PIK3C2G: variants seen among roughly 807,000 people sequenced by gnomAD.
PIK3C2G encodes the protein phosphatidylinositol 3-kinase C2 domain-containing subunit gamma.
PIK3C2G carries 168 observed loss-of-function variants against 181.1 expected under a neutral mutation model. The observed-to-expected ratio is 0.93, with a 90% CI of 0.82 to 1.05. The LOEUF is 1.05. Ranked by LOEUF, PIK3C2G falls within the 50% of genes least tolerant of loss-of-function variation. The pLI, the probability that PIK3C2G is intolerant of heterozygous loss-of-function variation, is 0.00. For synonymous variants in PIK3C2G, 573 were observed against 592.2 expected, an observed-to-expected ratio of 0.97 and a Z score of 0.47; for missense variants, 1,869 against 1,732.8, an observed-to-expected ratio of 1.08 and a Z score of -1.40.
At chr12:18,675,030 G>C in the PIK3C2G span, among the ~76,000 whole-genome samples, 14 of 152,164 alleles carry the variant, frequency 9.2e-5, no homozygotes, top group Admixed American at 4.6e-4. Context: ...GACGGCAATA[G>C]TCTGTAACTA....
At chr12:18,502,279 C>T (rs1209869275) in intron 22 of PIK3C2G, among the ~76,000 whole-genome samples, 1 of 152,268 alleles carries the variant, frequency 6.6e-6, no homozygotes, top group South Asian at 2.1e-4. Flanking sequence ...TTGTTTATCA[C>T]CACCATAATC....
chr12:18,596,102 CAGAA>C (rs1396380228), intron 30 of PIK3C2G, among the ~76,000 whole-genome samples: 1 of 151,954 alleles, frequency 6.6e-6, no homozygotes, highest in African/African-American at 2.4e-5. Context: ...TGATTGATGA[CAGAA>C]AGAACAACTA....
upstream of PIK3C2G, among the ~76,000 whole-genome samples, chr12:18,257,623 C>A (rs1034537408): frequency 7.2e-6 from 1 of 139,412 alleles, no homozygotes. Context: ...TGCCAGTACA[C>A]GAGAGGGAAA....
intron 9 of PIK3C2G, among the ~76,000 whole-genome samples, chr12:18,339,702 G>A (rs1323424314): frequency 6.6e-6 from 1 of 152,090 alleles, no homozygotes; most frequent in Non-Finnish European, 1.5e-5. Flanking sequence ...TGAAAATTCA[G>A]TAGTTTCTTA....
At chr12:18,502,709 A>T (rs1941574570) in intron 22 of PIK3C2G, among the ~76,000 whole-genome samples, 1 of 152,184 alleles carries the variant, frequency 6.6e-6, no homozygotes, top group South Asian at 2.1e-4. Context: ...CCCTTTAAAA[A>T]AAATTACTAT....
rs774955332 is a variant in PIK3C2G at position 18,427,487 on chromosome 12, A to C, written c.2504+3448A>C. 5.8e-3 allele frequency among the ~76,000 whole-genome samples: 846 copies of C among 145,834 alleles called. 1 individual carries two copies. The highest frequency in any genetic ancestry group is 0.01 in the Non-Finnish European group (673 of 66,652). On this transcript the variant is annotated intron_variant, in intron 18 of 32. Coordinates refer to ENST00000538779, the MANE Select transcript of PIK3C2G (RefSeq NM_001288772.2). The stretch of plus-strand genomic sequence containing the variant: ...TTGCACTCCAGCCTGGGCTGACAAC[A>C]GCGAGACTCCATTAAAAAAAAAAAA...
intron 15 of PIK3C2G, among the ~76,000 whole-genome samples, chr12:18,397,850 C>T (rs188087490): frequency 6.6e-6 from 1 of 152,058 alleles, no homozygotes; most frequent in Admixed American, 6.5e-5. Context: ...ATAATACCCC[C>T]CCAAAAGGAA....
At chr12:18,395,292 T>C (rs1943810434) in intron 15 of PIK3C2G, among the ~76,000 whole-genome samples, 1 of 150,424 alleles carries the variant, frequency 6.6e-6, no homozygotes, top group African/African-American at 2.4e-5. Context: ...TATTATGATG[T>C]TCTATATAAA....
chr12:18,305,710 T>TTTTTTTACTCA (rs1359305723), intron 5 of PIK3C2G, among the ~76,000 whole-genome samples: 1 of 152,122 alleles, frequency 6.6e-6, no homozygotes, highest in Non-Finnish European at 1.5e-5. Context: ...ATTTATTGTT[T>TTTTTTTACTCA]TTTATTTGTA....
At chr12:18,657,870 G>C in the PIK3C2G span, among the ~76,000 whole-genome samples, 1 of 152,068 alleles carries the variant, frequency 6.6e-6, no homozygotes, top group African/African-American at 2.4e-5. Context: ...TCATCTATTG[G>C]ACTTACTAGA....
At chr12:18,584,150 C>T (rs2136438897) in intron 29 of PIK3C2G, among the ~76,000 whole-genome samples, 1 of 151,792 alleles carries the variant, frequency 6.6e-6, no homozygotes, top group African/African-American at 2.4e-5. Flanking sequence ...GCCCCAGCCT[C>T]CTGAGTAGCT....
In PIK3C2G at chr12:18,378,899, C is replaced by A. The variant is rs548201949; in HGVS notation, c.1881-2867C>A. 4.6e-5 allele frequency among the ~76,000 whole-genome samples: 7 copies of A among 152,278 alleles called. No homozygotes were observed. In the East Asian group the frequency reaches 5.8e-4, roughly 13 times the overall value. ...GAGAGGAAGTGGAGAAATAGGAACA[C>A]TTTTACACTGTTGGTGGGACTGTAA... is the stretch of plus-strand genomic sequence containing the variant. On this transcript the variant is annotated intron_variant, in intron 13 of 32. Transcript: ENST00000538779.
intron 11 of PIK3C2G, among the ~76,000 whole-genome samples, chr12:18,361,524 C>A (rs76435463): frequency 0.04 from 5,931 of 148,752 alleles, 212 homozygotes; most frequent in African/African-American, 0.1. Flanking sequence ...GTCTGTCTGG[C>A]TTCCCACTGA....
At chr12:18,448,664 G>A (rs1435691203) in intron 18 of PIK3C2G, among the ~76,000 whole-genome samples, 1 of 151,964 alleles carries the variant, frequency 6.6e-6, no homozygotes, top group African/African-American at 2.4e-5. Context: ...CTTATTTCAT[G>A]TAATGTCCTT....
At chr12:18,475,461 C>G (rs773267844) in intron 18 of PIK3C2G, among the ~76,000 whole-genome samples, 11 of 149,074 alleles carry the variant, frequency 7.4e-5, no homozygotes, top group Middle Eastern at 3.5e-3. Flanking sequence ...GAAAAATGTC[C>G]AATTCTAAAA....
chr12:18,536,915 A>G (rs1475257005), intron 24 of PIK3C2G, among the ~76,000 whole-genome samples: 1 of 152,140 alleles, frequency 6.6e-6, no homozygotes, highest in Admixed American at 6.6e-5. Flanking sequence ...ATGAATGAAT[A>G]TAAACAGAAG....
At chr12:18,358,564 C>T (rs549844864) in intron 11 of PIK3C2G, 13 of 387,030 alleles carry the variant, frequency 3.4e-5, no homozygotes, top group South Asian at 2.9e-4. Context: ...AGCAGTGAGG[C>T]AAAAAGACAG....
chr12:18,476,797 G>A (rs1452028748), intron 18 of PIK3C2G, among the ~76,000 whole-genome samples: 1 of 151,738 alleles, frequency 6.6e-6, no homozygotes, highest in East Asian at 1.9e-4. Flanking sequence ...GATGAAATCA[G>A]ACATGTTAAG....
At chr12:18,363,738 G>C (rs74070251) in intron 12 of PIK3C2G, among the ~76,000 whole-genome samples, 1 of 151,898 alleles carries the variant, frequency 6.6e-6, no homozygotes, top group South Asian at 2.1e-4. Flanking sequence ...TAATAAATAC[G>C]TGTCAGAATT....
Sources: allele counts gnomAD v4.1 joint callset (sites outside exome capture counted in the v4.1 genomes callset), GRCh38; gene constraint gnomAD v4.1.1; transcripts MANE v1.5; gene names NCBI Gene and HGNC (gene_info 2026-07-23, HGNC 2026-07-21).